The following NFE2L3 variants were observed in gnomAD, a reference collection of about 807,000 sequenced individuals.
NFE2L3 encodes the protein NFE2 like bZIP transcription factor 3.
Under a neutral mutation model 23.5 loss-of-function variants are expected in NFE2L3, and 18 were observed. The ratio of observed to expected loss-of-function variants is 0.77; its 90% confidence interval spans 0.53 to 1.13. NFE2L3 has a LOEUF of 1.13. NFE2L3 is among the 50% of genes most tolerant of loss of function. The pLI is 0.00. For synonymous variants in NFE2L3, 424 were observed against 354.5 expected (o/e 1.20, Z -2.20); for missense variants, 1,152 against 877.2 (o/e 1.31, Z -3.96).
intron 1 of NFE2L3, among the ~76,000 whole-genome samples, chr7:26,172,928 TA>T (rs1784348269): frequency 6.6e-6 from 1 of 152,220 alleles, no homozygotes; most frequent in South Asian, 2.1e-4. Context: ...TTATTTCTCA[TA>T]AAATTTTCAC....
intron 1 of NFE2L3, among the ~76,000 whole-genome samples, chr7:26,157,591 A>C (rs969852060): frequency 4.6e-5 from 7 of 152,292 alleles, no homozygotes; most frequent in African/African-American, 1.4e-4. Flanking sequence ...CCTGTTTTTA[A>C]CTCACAGCTA....
chr7:26,152,255 G>C lies in NFE2L3; in HGVS notation c.-244G>C, dbSNP rs1784007346. On this transcript the variant is annotated 5_prime_UTR_variant, in exon 1 of 4. Transcript: ENST00000056233. The surrounding 1 kb of genome is among the most constrained non-coding windows in gnomAD (Gnocchi z 4.4). ...CTGGGCGAACGGGCTCGGCGCTCAG[G>C]TGGCTCCTTCTTCGCTTCTCCCGAT... 2 of 223,042 alleles carry C rather than the reference G, an allele frequency of 9.0e-6. No homozygotes were observed. Among genetic ancestry groups the C allele is most frequent in the African/African-American group, 2.3e-5 (1 of 43,268 alleles). The allele number at this position is 223,042 out of a possible 1,614,324, so 13.8% of individuals were successfully genotyped here. A position where few individuals can be genotyped will look rare whatever the true frequency, so the allele number is the denominator to read the frequency against.
intron 1 of NFE2L3, among the ~76,000 whole-genome samples, chr7:26,158,329 A>G (rs955017453): frequency 3.3e-5 from 5 of 152,156 alleles, no homozygotes; most frequent in Non-Finnish European, 5.9e-5. Flanking sequence ...ATCTTAACTT[A>G]CCTAGTTACA....
intron 1 of NFE2L3, among the ~76,000 whole-genome samples, chr7:26,169,058 T>G (rs1784296929): frequency 6.6e-6 from 1 of 152,226 alleles, no homozygotes; most frequent in South Asian, 2.1e-4. Flanking sequence ...GCACATTATA[T>G]TACACTTGAT....
intron 1 of NFE2L3, among the ~76,000 whole-genome samples, chr7:26,158,982 A>T (rs1043199898): frequency 6.6e-6 from 1 of 152,254 alleles, no homozygotes; most frequent in African/African-American, 2.4e-5. Flanking sequence ...TTAATAATTC[A>T]GGTGGGGCTT....
At position 26,185,053 on chromosome 7, in the gene NFE2L3, A is replaced by C. The variant is rs1782445168; in HGVS notation, c.1355A>C (p.Asp452Ala). The change falls in exon 4 of 4, where the codon GAC (aspartate) becomes GCC (alanine). Residue 452 changes from aspartate (D) to alanine (A), a missense_variant. Asp to Ala is a moderately radical substitution (Grantham distance 126). Coordinates refer to ENST00000056233, the MANE Select transcript of NFE2L3 (RefSeq NM_004289.7). ...CDEGAIGYCT[D>A]HESSSHHDLE... Reference sequence around the variant, plus strand: ...GAAGGTGCTATAGGTTATTGCACTGACCATGAATCTAGTTCCCATCATGAC... The same window carrying C: ...GAAGGTGCTATAGGTTATTGCACTGCCCATGAATCTAGTTCCCATCATGAC... 6.2e-6 allele frequency: 10 copies of C among 1,613,636 alleles called. No homozygotes were observed. The highest frequency in any genetic ancestry group is 8.5e-6 in the Non-Finnish European group (10 of 1,179,700).
Position 26,187,056 on chromosome 7 carries a change from T to C in NFE2L3, c.*1273T>C, listed in dbSNP as rs1782505599. ...TACAGTGTAGAGTATCACATAAGTA[T>C]CTTGGGCTAGAGAAATGCAGTTTAT... On this transcript the variant is annotated 3_prime_UTR_variant, in exon 4 of 4. Coordinates refer to ENST00000056233, the MANE Select transcript of NFE2L3 (RefSeq NM_004289.7). The C allele has an allele frequency of 6.6e-6, 1 of 152,212 alleles. No homozygotes were observed. Among genetic ancestry groups the C allele is most frequent in the Admixed American group, 6.5e-5 (1 of 15,284 alleles). 9.4% of individuals were successfully genotyped at this position (152,212 alleles called of 1,614,324 possible). A position where few individuals can be genotyped will look rare whatever the true frequency, so the allele number is the denominator to read the frequency against.
In NFE2L3 at chr7:26,152,597, C is replaced by T. The variant is rs1361886592; in HGVS notation, c.99C>T (p.Tyr33=). The T allele has an allele frequency of 1.9e-6, 3 of 1,547,422 alleles. No homozygotes were observed. Among genetic ancestry groups the T allele is most frequent in the Non-Finnish European group, 2.6e-6 (3 of 1,157,994 alleles). ...GGCTCCGCGTAGACCTAGATCTTTA[C>T]CTGCTGCTGCCGCCGCCCACCCTGC... The part of the protein sequence containing the change: ...LAGLRVDLDL[Y]LLLPPPTLLQ... The change falls in exon 1 of 4, where the codon TAC becomes TAT. Residue 33 remains tyrosine, a synonymous_variant. Transcript: ENST00000056233. This position sits in a 1 kb window ranked among gnomAD's most constrained non-coding sequence, Gnocchi z 4.4.
At chr7:26,168,119 A>C in intron 1 of NFE2L3, among the ~76,000 whole-genome samples, 3 of 138,364 alleles carry the variant, frequency 2.2e-5, no homozygotes, top group Non-Finnish European at 1.6e-5. Context: ...CTTGAAATCC[A>C]TTGTGTCATT....
intron 2 of NFE2L3, among the ~76,000 whole-genome samples, chr7:26,183,458 G>A (rs997443321): frequency 1.4e-5 from 2 of 143,806 alleles, no homozygotes; most frequent in African/African-American, 5.0e-5. Flanking sequence ...TAAGGCAGGA[G>A]AATCCTTTGA....
intron 1 of NFE2L3, among the ~76,000 whole-genome samples, chr7:26,155,585 G>A (rs1436389319): frequency 6.6e-6 from 1 of 152,184 alleles, no homozygotes. Flanking sequence ...TACCTACACG[G>A]TACTCAAGCT....
chr7:26,181,238 A>C (rs1395912281), intron 2 of NFE2L3, among the ~76,000 whole-genome samples: 1 of 152,182 alleles, frequency 6.6e-6, no homozygotes, highest in Non-Finnish European at 1.5e-5. Flanking sequence ...TGGCCTCCCA[A>C]AGTGCTGGGA....
intron 1 of NFE2L3, among the ~76,000 whole-genome samples, chr7:26,170,678 C>T (rs1349908197): frequency 1.3e-5 from 2 of 152,162 alleles, no homozygotes; most frequent in Non-Finnish European, 2.9e-5. Flanking sequence ...TTCAAATATT[C>T]CAAGTATCAG....
rs114502157 is a variant in NFE2L3, at chr7:26,185,800, G to T, written c.*17G>T. ...AGAAAGTGAGAAGAAACTGAAGATG[G>T]ACTCTATTATGTGAAGTAGTAATGT... On this transcript the variant is annotated 3_prime_UTR_variant, in exon 4 of 4. Coordinates refer to ENST00000056233, the MANE Select transcript of NFE2L3 (RefSeq NM_004289.7). 1,553 of 1,567,450 alleles carry T rather than the reference G, an allele frequency of 9.9e-4. 13 individuals carry two copies. In the African/African-American group the frequency reaches 0.02, roughly 20 times the overall value.
intron 1 of NFE2L3, 84 bp downstream of exon 1, chr7:26,153,152 C>A: frequency 7.5e-7 from 1 of 1,330,604 alleles, no homozygotes; most frequent in Non-Finnish European, 9.8e-7. Context: ...TGAGCAGGGG[C>A]CACTCTCGCT....
chr7:26,173,348 T>C (rs921052621), intron 1 of NFE2L3, among the ~76,000 whole-genome samples: 3 of 152,226 alleles, frequency 2.0e-5, no homozygotes, highest in Admixed American at 6.5e-5. Context: ...TTCCCTGTTA[T>C]TATTTGTGTA....
At position 26,182,978 on chromosome 7, in the gene NFE2L3, G is replaced by A. The variant is rs146185614; in HGVS notation, c.751-723G>A. On this transcript the variant is annotated intron_variant, in intron 2 of 3. Transcript: ENST00000056233. ...CCCAGCTAATTTAATTTGTAGAAAC[G>A]GTCTTGTTGTGTTGCCCAAGCTGGT... Among the ~76,000 whole-genome samples the A allele has an allele frequency of 1.7e-4, 26 of 152,072 alleles. 1 individual carries two copies. In the South Asian group the frequency reaches 2.1e-3, roughly 12 times the overall value.
At chr7:26,167,684 CTG>C (rs1331142926) in intron 1 of NFE2L3, among the ~76,000 whole-genome samples, 7 of 152,284 alleles carry the variant, frequency 4.6e-5, no homozygotes, top group Admixed American at 2.6e-4. Context: ...AAAACATACT[CTG>C]TATCTCAGCT....
intron 1 of NFE2L3, among the ~76,000 whole-genome samples, chr7:26,168,976 A>T (rs111837394): frequency 2.2e-4 from 33 of 152,286 alleles, no homozygotes; most frequent in African/African-American, 7.9e-4. Flanking sequence ...ACTGGGTAGG[A>T]TAGGTCTTTT....
Sources: allele counts gnomAD v4.1 joint callset (sites outside exome capture counted in the v4.1 genomes callset), GRCh38; gene constraint gnomAD v4.1.1; non-coding constraint Gnocchi (gnomAD v3.1); transcripts MANE v1.5; gene names NCBI Gene and HGNC (gene_info 2026-07-23, HGNC 2026-07-21).